Variants in SCARB2 observed in about 807,000 individuals in gnomAD.
SCARB2 encodes the protein scavenger receptor class B member 2.
A neutral mutation model predicts 58.6 loss-of-function variants in SCARB2; 29 were observed. The ratio of observed to expected loss-of-function variants is 0.49; its 90% CI spans 0.37 to 0.67. The LOEUF is 0.67. Ranked by LOEUF, SCARB2 falls within the 30% of genes least tolerant of loss-of-function variation. The probability of loss-of-function intolerance (pLI) is 0.00; values close to 1 mark genes in which losing one functional copy is unlikely to be tolerated. For synonymous variants in SCARB2, 195 were observed against 210.1 expected (o/e 0.93, Z 0.62); for missense variants, 488 against 578.5 (o/e 0.84, Z 1.60).
At chr4:76,166,340 T>C in intron 9 of SCARB2, 39 bp from the exon 10 acceptor site, 1 of 1,587,550 alleles carries the variant, frequency 6.3e-7, no homozygotes, top group Non-Finnish European at 8.7e-7. Context: ...AGAAACATCC[T>C]CATCACAATG....
Position 76,163,217 on chromosome 4 carries a change from G to A in SCARB2, c.1398+8C>T, listed in dbSNP as rs755919906. On this transcript the variant is annotated splice_region_variant and intron_variant, in intron 11 of 11. Coordinates refer to ENST00000264896, the MANE Select transcript of SCARB2 (RefSeq NM_005506.4). ...AGTAAGGAAGAAGTTCCTTCAGCCA[G>A]TTCTCACCTCATCCATGGATCCCTG... The A allele has an allele frequency of 6.2e-7, 1 of 1,614,162 alleles. No homozygotes were observed. The highest frequency in any genetic ancestry group is 1.7e-5 in the Admixed American group (1 of 60,022).
chr4:76,211,152 C>G (rs975326866), intron 1 of SCARB2, among the ~76,000 whole-genome samples: 4 of 152,168 alleles, frequency 2.6e-5, no homozygotes, highest in Non-Finnish European at 5.9e-5. Flanking sequence ...TTTGTGGGTC[C>G]TGAAGCTTAT....
At chr4:76,221,411 T>A (rs2109979852) in intron 1 of SCARB2, among the ~76,000 whole-genome samples, 1 of 152,276 alleles carries the variant, frequency 6.6e-6, no homozygotes, top group East Asian at 1.9e-4. Flanking sequence ...CTCTGCCTCC[T>A]GGGTTCAAGC....
At chr4:76,222,718 G>A (rs1733330850) in intron 1 of SCARB2, among the ~76,000 whole-genome samples, 1 of 152,148 alleles carries the variant, frequency 6.6e-6, no homozygotes, top group African/African-American at 2.4e-5. Context: ...TACTATGTCT[G>A]AGCAAAAGGT....
chr4:76,213,949 C>T, upstream of SCARB2: 1 of 167,728 alleles, frequency 6.0e-6, no homozygotes, highest in Non-Finnish European at 1.3e-5. Flanking sequence ...CCTGCGGCGG[C>T]GGCAGTGATT....
rs1430349172 is a variant in SCARB2 at position 76,179,551 on chromosome 4, G to A, written c.578C>T (p.Pro193Leu). 1.2e-6 allele frequency: 2 copies of A among 1,614,088 alleles called. No homozygotes were observed. The highest frequency in any genetic ancestry group is 1.7e-6 in the Non-Finnish European group (2 of 1,179,980). The change falls in exon 4 of 12, where the codon CCC becomes CTC. Residue 193 changes from proline to leucine, a missense_variant. Physicochemically the swap from Pro to Leu is moderately conservative, Grantham distance 98. Transcript: ENST00000264896. Reference protein sequence around the residue: ...EILSLIHVFRPDISPYFGLFY... With the variant: ...EILSLIHVFRLDISPYFGLFY... ...TAGGCCAAAATAGGGAGAGATATCG[G>A]GCCTGAAAACATGGATAAGGGACAA...
At chr4:76,192,100 A>C (rs1237949849) in intron 2 of SCARB2, 1 of 152,226 alleles carries the variant, frequency 6.6e-6, no homozygotes, top group African/African-American at 2.4e-5. Flanking sequence ...ATGTAAGAAC[A>C]ACCTAATTTA....
At chr4:76,219,807 C>T (rs185257061) in intron 1 of SCARB2, among the ~76,000 whole-genome samples, 43 of 152,172 alleles carry the variant, frequency 2.8e-4, no homozygotes, top group Non-Finnish European at 4.7e-4. Context: ...CTAACCTGGT[C>T]CCCGCATGAC....
At chr4:76,166,602 C>T (rs992476795) in intron 9 of SCARB2, 4 of 478,446 alleles carry the variant, frequency 8.4e-6, no homozygotes, top group South Asian at 2.1e-5. Context: ...AAAACTGTCA[C>T]TCCTCAGAGT....
Position 76,166,235 on chromosome 4 carries a change from C to G in SCARB2, c.1239+15G>C, listed in dbSNP as rs778631236. The G allele has an allele frequency of 6.2e-7, 1 of 1,613,796 alleles. No homozygotes were observed. Among genetic ancestry groups the G allele is most frequent in the South Asian group, 1.1e-5 (1 of 91,076 alleles). The stretch of plus-strand genomic sequence containing the variant: ...GTCTGAAAACACCCGTGGCTCCCTC[C>G]GTCTCAGGACTTACCTCATTGAGGT... On this transcript the variant is annotated intron_variant, in intron 10 of 11. Coordinates refer to ENST00000264896, the MANE Select transcript of SCARB2 (RefSeq NM_005506.4).
intron 7 of SCARB2, among the ~76,000 whole-genome samples, chr4:76,172,083 AC>A (rs965387321): frequency 6.7e-6 from 1 of 148,738 alleles, no homozygotes; most frequent in African/African-American, 2.4e-5. Flanking sequence ...TTTATATATA[AC>A]TATAAAATTT....
At position 76,161,012 on chromosome 4, in the gene SCARB2, C is replaced by A. The variant is rs1731886894; in HGVS notation, c.*701G>T. ...CTCACCAACATTATTTATGCATTCT[C>A]TTCGTTCACAAAAGTACAAGTTAAA... On this transcript the variant is annotated 3_prime_UTR_variant, in exon 12 of 12. Coordinates refer to ENST00000264896, the MANE Select transcript of SCARB2 (RefSeq NM_005506.4). The A allele has an allele frequency of 6.6e-6, 1 of 152,478 alleles. No homozygotes were observed. Among genetic ancestry groups the A allele is most frequent in the Admixed American group, 6.5e-5 (1 of 15,274 alleles). The allele number at this position is 152,478 out of a possible 1,614,324, so 9.4% of individuals were successfully genotyped here.
intron 1 of SCARB2, among the ~76,000 whole-genome samples, chr4:76,202,433 G>C (rs1732847981): frequency 6.6e-6 from 1 of 151,994 alleles, no homozygotes; most frequent in African/African-American, 2.4e-5. Context: ...GGCTAATTTT[G>C]TATTTTTAGT....
intron 1 of SCARB2, among the ~76,000 whole-genome samples, chr4:76,212,333 C>A (rs1430536893): frequency 6.6e-6 from 1 of 152,162 alleles, no homozygotes; most frequent in Non-Finnish European, 1.5e-5. Context: ...TTATGCTTTG[C>A]CATGGTGCTT....
chr4:76,213,853 G>T (rs1414732171), upstream of SCARB2: 2 of 197,688 alleles, frequency 1.0e-5, no homozygotes, highest in East Asian at 2.6e-4. Flanking sequence ...CGTGACGTTC[G>T]CGGGCCGGGC....
chr4:76,228,291 C>CCAACATGGTGAAACCCCATCTCTACTAA (rs1222664268), intron 1 of SCARB2, among the ~76,000 whole-genome samples: 2 of 151,846 alleles, frequency 1.3e-5, no homozygotes, highest in East Asian at 3.9e-4. Context: ...ACCAGCCTGG[C>CCAACATGGTGAAACCCCATCTCTACTAA]CAACATGGTG....
chr4:76,233,334 G>GT (rs1733525812), intron 1 of SCARB2, among the ~76,000 whole-genome samples: 1 of 152,172 alleles, frequency 6.6e-6, no homozygotes, highest in Non-Finnish European at 1.5e-5. Flanking sequence ...CCAAAAAGCA[G>GT]TTTGTAACCT....
chr4:76,174,013 A>G (rs1578719323), intron 7 of SCARB2, 131 bp downstream of exon 7: 1 of 1,136,204 alleles, frequency 8.8e-7, no homozygotes, highest in East Asian at 2.4e-5. Context: ...TCAAGTGATC[A>G]TCCCACCTCA....
upstream of SCARB2, chr4:76,213,843 CGTGACG>C: frequency 4.6e-6 from 1 of 217,920 alleles, no homozygotes; most frequent in Non-Finnish European, 8.9e-6. Context: ...CGCGCAGGGA[CGTGACG>C]TTCGCGGGCC....
Sources: allele counts gnomAD v4.1 joint callset (sites outside exome capture counted in the v4.1 genomes callset), GRCh38; gene constraint gnomAD v4.1.1; transcripts MANE v1.5; gene names NCBI Gene and HGNC (gene_info 2026-07-23, HGNC 2026-07-21).